The following HLCS variants were observed in gnomAD, a reference collection of about 807,000 sequenced individuals.
The protein encoded by HLCS is holocarboxylase synthetase, also known as biotin--protein ligase.
A neutral mutation model predicts 75.0 loss-of-function variants in HLCS; 53 were observed. That is an observed-to-expected ratio of 0.71 (90% CI 0.57 to 0.89). HLCS has a LOEUF of 0.89. Among genes scored for constraint, HLCS ranks in the 40% least tolerant of loss-of-function variants. The pLI, the probability that HLCS is intolerant of heterozygous loss-of-function variation, is 0.00. For synonymous variants in HLCS, 431 were observed against 428.6 expected (o/e 1.01, Z -0.07); for missense variants, 966 against 1,074.0 (o/e 0.90, Z 1.41).
intron 6 of HLCS, among the ~76,000 whole-genome samples, chr21:36,771,725 G>A (rs1194295042): frequency 2.0e-5 from 3 of 152,144 alleles, no homozygotes; most frequent in East Asian, 1.9e-4. Context: ...ATGGCCGGGC[G>A]CGGTGGCTCA....
At chr21:36,951,228 G>A (rs2835545) in intron 2 of HLCS, among the ~76,000 whole-genome samples, 85,469 of 152,042 alleles carry the variant, frequency 0.56, 24,279 homozygotes, top group East Asian at 0.64. Context: ...CACCATATCA[G>A]GGTAATTTCC....
rs537444680 is a variant in HLCS, at chr21:36,909,115, T to A, written c.1621-11984A>T. ...GGGAGACTGAGGCAGCAGAATGGCA[T>A]GAACCTCGGAAGCGGAGTTTGCAGT... is the stretch of plus-strand genomic sequence containing the variant. On this transcript the variant is annotated intron_variant, in intron 5 of 10. Transcript: ENST00000674895. Among the ~76,000 whole-genome samples, 4 of 152,198 alleles carry A rather than the reference T, an allele frequency of 2.6e-5. No individual in the cohort carries two copies. In the East Asian group the frequency reaches 7.7e-4, roughly 29 times the overall value.
intron 6 of HLCS, among the ~76,000 whole-genome samples, chr21:36,874,546 T>C (rs1278936896): frequency 6.6e-6 from 1 of 152,272 alleles, no homozygotes; most frequent in Non-Finnish European, 1.5e-5. Context: ...TGTCATTTTA[T>C]AGTAAGTCTT....
chr21:36,855,993 A>G (rs955781783), intron 6 of HLCS, among the ~76,000 whole-genome samples: 1 of 152,204 alleles, frequency 6.6e-6, no homozygotes, highest in Non-Finnish European at 1.5e-5. Flanking sequence ...ATGATTCCAT[A>G]GCTATGAAAT....
At chr21:36,843,322 C>T (rs1232227169) in intron 6 of HLCS, among the ~76,000 whole-genome samples, 1 of 152,100 alleles carries the variant, frequency 6.6e-6, no homozygotes, top group Non-Finnish European at 1.5e-5. Context: ...CCTGTAGTCC[C>T]AGCTACTTGG....
upstream of HLCS, among the ~76,000 whole-genome samples, chr21:36,969,906 T>C (rs1359046486): frequency 2.0e-5 from 3 of 152,088 alleles, no homozygotes; most frequent in African/African-American, 7.2e-5. Flanking sequence ...CTTTGTCATT[T>C]ATAAGAACAC....
At chr21:36,990,004 T>C (rs889995313) in intron 1 of HLCS, among the ~76,000 whole-genome samples, 5 of 152,064 alleles carry the variant, frequency 3.3e-5, no homozygotes, top group African/African-American at 4.8e-5. Context: ...TGGAGGCGGC[T>C]TTCCGGCCGT....
chr21:36,760,022 A>C (rs1251184837), intron 8 of HLCS, among the ~76,000 whole-genome samples, 181 bp from the exon 9 acceptor site: 1 of 152,172 alleles, frequency 6.6e-6, no homozygotes, highest in Non-Finnish European at 1.5e-5. Flanking sequence ...TGGGGCCAGG[A>C]GGTAAAAGCC....
chr21:36,916,624 A>C (rs1424305928), intron 5 of HLCS, among the ~76,000 whole-genome samples: 2 of 147,564 alleles, frequency 1.4e-5, no homozygotes, highest in Non-Finnish European at 1.5e-5. Flanking sequence ...CTCCCACCTC[A>C]GCCTCCCGAA....
chr21:36,852,003 T>C (rs2063024409), intron 6 of HLCS: 1 of 152,252 alleles, frequency 6.6e-6, no homozygotes, highest in South Asian at 2.1e-4. Flanking sequence ...TGGGAGACCA[T>C]GTAGGAATGC....
chr21:36,973,099 G>A (rs2068836463), intron 1 of HLCS, among the ~76,000 whole-genome samples: 2 of 152,090 alleles, frequency 1.3e-5, no homozygotes, highest in South Asian at 4.2e-4. Context: ...GCATGGTGGT[G>A]CATGCCTGTG....
At chr21:36,781,238 C>G (rs1413991484) in intron 6 of HLCS, among the ~76,000 whole-genome samples, 1 of 138,126 alleles carries the variant, frequency 7.2e-6, no homozygotes, top group Non-Finnish European at 1.5e-5. Flanking sequence ...GCCTAGACAA[C>G]AGGAGCGTGA....
intron 5 of HLCS, among the ~76,000 whole-genome samples, 155 bp from the exon 6 acceptor site, chr21:36,897,286 G>C (rs917034709): frequency 1.3e-5 from 2 of 152,080 alleles, no homozygotes; most frequent in African/African-American, 4.8e-5. Flanking sequence ...TAAACGATTA[G>C]ACAATATGAT....
At position 36,874,404 on chromosome 21, in the gene HLCS, A is replaced by AAAAT. The variant is rs1350934078; in HGVS notation, c.1892+22455_1892+22456insATTT. Among the ~76,000 whole-genome samples, 54 of 121,906 alleles carry AAAAT rather than the reference A, an allele frequency of 4.4e-4. 1 individual carries two copies. Among genetic ancestry groups the AAAAT allele is most frequent in the African/African-American group, 2.3e-3 (53 of 23,238 alleles). 80.0% of individuals were successfully genotyped at this position (121,906 alleles called of 152,430 possible). ...GCGACAGAGCGAGACTCCGTCTCAA[A>AAAAT]AAAATAAAATAAAATAAAATAAAAT... On this transcript the variant is annotated intron_variant, in intron 6 of 10. Coordinates refer to ENST00000674895, the MANE Select transcript of HLCS (RefSeq NM_001352514.2).
chr21:36,803,902 C>T (rs969882748), intron 6 of HLCS: 1 of 152,206 alleles, frequency 6.6e-6, no homozygotes, highest in East Asian at 1.9e-4. Context: ...CACATACACA[C>T]ATTCACTCCC....
In HLCS at chr21:36,897,094, T is replaced by C. The variant is rs2146336242; in HGVS notation, c.1658A>G (p.His553Arg). 1 of 1,614,144 alleles carries C rather than the reference T, an allele frequency of 6.2e-7. No individual in the cohort carries two copies. The highest frequency in any genetic ancestry group is 8.5e-7 in the Non-Finnish European group (1 of 1,180,004). The change falls in exon 6 of 11, where the codon CAT becomes CGT. Residue 553 changes from histidine (H) to arginine (R), a missense_variant. His to Arg is a conservative substitution (Grantham distance 29). Transcript: ENST00000674895. ...RDPLMQWLGKHVDSEGEIKSG... is the reference protein window; with the variant it reads ...RDPLMQWLGKRVDSEGEIKSG... The stretch of plus-strand genomic sequence containing the variant: ...TTTTATTTCTCCCTCGGAGTCCACA[T>C]GTTTCCCAAGCCACTGCATAAGAGG...
chr21:36,868,541 A>G (rs1015214723), intron 6 of HLCS, among the ~76,000 whole-genome samples: 28 of 152,290 alleles, frequency 1.8e-4, no homozygotes, highest in African/African-American at 6.0e-4. Context: ...TTTAATGACC[A>G]ATTCTATTTT....
chr21:36,959,643 C>T (rs995854352), intron 2 of HLCS, among the ~76,000 whole-genome samples: 1 of 152,140 alleles, frequency 6.6e-6, no homozygotes, highest in South Asian at 2.1e-4. Context: ...AATCAGCACG[C>T]GCTTCCTCCC....
chr21:36,928,834 G>A (rs2066514023), intron 5 of HLCS, among the ~76,000 whole-genome samples: 1 of 152,184 alleles, frequency 6.6e-6, no homozygotes, highest in Admixed American at 6.5e-5. Flanking sequence ...TGTGTATACA[G>A]AGCAAATATT....
Sources: gnomAD v4.1 joint callset for allele counts (sites outside exome capture counted in the v4.1 genomes callset) on GRCh38, gnomAD v4.1.1 for gene constraint, MANE v1.5 for transcripts, NCBI Gene and HGNC (gene_info 2026-07-23, HGNC 2026-07-21) for gene names.